RADIL: variants seen among roughly 807,000 people sequenced by gnomAD.
RADIL encodes ras-associating and dilute domain-containing protein.
In RADIL, 99 loss-of-function variants were observed where a neutral mutation model predicts 97.6. The observed-to-expected ratio is 1.01, with a 90% CI of 0.86 to 1.20. The LOEUF (loss-of-function observed/expected upper bound fraction) is 1.20. RADIL is among the 50% of genes most tolerant of loss of function. RADIL has a pLI of 0.00. For synonymous variants in RADIL, 803 were observed against 691.8 expected, an observed-to-expected ratio of 1.16 and a Z score of -2.52; for missense variants, 1,765 against 1,498.9, an observed-to-expected ratio of 1.18 and a Z score of -2.93.
intron 2 of RADIL, among the ~76,000 whole-genome samples, chr7:4,874,169 A>G (rs1784316158): frequency 6.6e-6 from 1 of 152,238 alleles, no homozygotes; most frequent in Non-Finnish European, 1.5e-5. Flanking sequence ...TGTCTCACGC[A>G]GGGAACAGTT....
intron 2 of RADIL, among the ~76,000 whole-genome samples, chr7:4,839,365 G>GT (rs961458641): frequency 2.0e-5 from 3 of 151,752 alleles, no homozygotes; most frequent in East Asian, 1.9e-4. Flanking sequence ...TATAATTTCC[G>GT]TTTTTTTTAA....
intron 9 of RADIL, among the ~76,000 whole-genome samples, chr7:4,811,877 CTTT>C (rs201294653): frequency 6.8e-6 from 1 of 147,020 alleles, no homozygotes; most frequent in Non-Finnish European, 1.5e-5. Flanking sequence ...AATTTAATTT[CTTT>C]TTTTTTTATT....
rs1554261009 is a variant in RADIL at position 4,806,333 on chromosome 7, G to GT, written c.2140-618dup. ...TCCAGCTCATTAGTTTTTTGTTTTT[G>GT]TTTTTTTTTGTAGAGATGGAGTTCT... On this transcript the variant is annotated intron_variant, in intron 9 of 14. Transcript: ENST00000399583. Among the ~76,000 whole-genome samples the GT allele has an allele frequency of 3.5e-3, 529 of 150,978 alleles. 9 individuals are homozygous for GT. Among genetic ancestry groups the GT allele is most frequent in the African/African-American group, 0.011 (469 of 41,158 alleles).
rs754986645 is a variant in RADIL at position 4,834,586 on chromosome 7, C to T, written c.1416+21G>A. 3.8e-6 allele frequency: 5 copies of T among 1,316,094 alleles called. No homozygotes were observed. The South Asian group carries it at 9.1e-5, about 24-fold the overall frequency. The allele number at this position is 1,316,094 out of a possible 1,614,324, so 81.5% of individuals were successfully genotyped here. ...CCCCAGACCGGCACAGGACCCAGAC[C>T]GCCCACCCCAGCACACTGACCCAGA... On this transcript the variant is annotated intron_variant, in intron 4 of 14. Transcript: ENST00000399583. The surrounding 1 kb of genome is among the most constrained non-coding windows in gnomAD (Gnocchi z 6.0).
intron 2 of RADIL, chr7:4,865,394 C>T: frequency 8.1e-6 from 5 of 617,362 alleles, no homozygotes; most frequent in Admixed American, 5.7e-5. Flanking sequence ...AAGTTTTATT[C>T]AAGAACTCAT....
intron 9 of RADIL, among the ~76,000 whole-genome samples, chr7:4,807,485 C>A (rs1403134573): frequency 6.6e-6 from 1 of 150,924 alleles, no homozygotes; most frequent in Non-Finnish European, 1.5e-5. Flanking sequence ...CCTTCTCCCC[C>A]TCCCTCTGTC....
At chr7:4,866,778 A>G (rs1040719984) in intron 2 of RADIL, among the ~76,000 whole-genome samples, 2 of 152,176 alleles carry the variant, frequency 1.3e-5, no homozygotes, top group African/African-American at 4.8e-5. Context: ...ACTAAAACTC[A>G]TGTTGGAATT....
chr7:4,835,085 CCCGCGG>C lies in RADIL; in HGVS notation c.932_937del (p.Ala311_Ala312del). ...GGGGATGGGCTCCAGGACCAGCCTC[CCCGCGG>C]CCTGGCCGCTGTCCGGGAGCGGTTG... On this transcript the variant is annotated inframe_deletion, in exon 4 of 15. Coordinates refer to ENST00000399583, the MANE Select transcript of RADIL (RefSeq NM_018059.5). This position sits in a 1 kb window ranked among gnomAD's most constrained non-coding sequence, Gnocchi z 5.8. 1 of 1,607,716 alleles carries C rather than the reference CCCGCGG, an allele frequency of 6.2e-7. No homozygotes were observed. Among genetic ancestry groups the C allele is most frequent in the African/African-American group, 1.3e-5 (1 of 74,972 alleles).
rs1240533475 is a variant in RADIL, at chr7:4,877,530, CCTT to C, written c.535+72_535+74del. On this transcript the variant is annotated intron_variant, in intron 2 of 14. Coordinates refer to ENST00000399583, the MANE Select transcript of RADIL (RefSeq NM_018059.5). ...CCCCACGCATGTCCCCTGCACCACT[CCTT>C]CTCCGCCTACCTCGGCTGGCCTTCT... 7.3e-6 allele frequency: 11 copies of C among 1,498,106 alleles called. No individual in the cohort carries two copies. In the African/African-American group the frequency reaches 9.8e-5, roughly 13 times the overall value. The allele number at this position is 1,498,106 out of a possible 1,614,324, so 92.8% of individuals were successfully genotyped here.
Position 4,822,620 on chromosome 7 carries a change from C to G in RADIL, c.1455-66G>C. Reference sequence around the variant, plus strand: ...CCCTCAGGAGGCTGAATCTACCACTCTTTCTACATAAGGATGCGCGTTTTC... The same window carrying G: ...CCCTCAGGAGGCTGAATCTACCACTGTTTCTACATAAGGATGCGCGTTTTC... On this transcript the variant is annotated intron_variant, in intron 5 of 14. Coordinates refer to ENST00000399583, the MANE Select transcript of RADIL (RefSeq NM_018059.5). This position sits in a 1 kb window ranked among gnomAD's most constrained non-coding sequence, Gnocchi z 5.3. The G allele has an allele frequency of 6.5e-7, 1 of 1,548,050 alleles. No individual in the cohort carries two copies. The highest frequency in any genetic ancestry group is 1.9e-5 in the Admixed American group (1 of 53,230).
chr7:4,833,592 A>G (rs1285123541), intron 4 of RADIL, among the ~76,000 whole-genome samples: 1 of 152,182 alleles, frequency 6.6e-6, no homozygotes, highest in African/African-American at 2.4e-5. Context: ...TTTACTTTTT[A>G]AAAGTCTCAG....
Position 4,850,565 on chromosome 7 carries a change from C to T in RADIL, c.536-13960G>A, listed in dbSNP as rs79918570. Among the ~76,000 whole-genome samples the T allele has an allele frequency of 6.2e-3, 951 of 152,294 alleles. 4 individuals carry two copies. Among genetic ancestry groups the T allele is most frequent in the Non-Finnish European group, 0.01 (682 of 68,028 alleles). ...AGTCAGAGAGGTTTGAGGTGTGAGA[C>T]GTGTGTGATGCCAGGGCAGCTCTCC... On this transcript the variant is annotated intron_variant, in intron 2 of 14. Coordinates refer to ENST00000399583, the MANE Select transcript of RADIL (RefSeq NM_018059.5).
chr7:4,807,173 T>C (rs1269290769), intron 9 of RADIL, among the ~76,000 whole-genome samples: 2 of 152,212 alleles, frequency 1.3e-5, no homozygotes, highest in South Asian at 2.1e-4. Context: ...TGTGTTTTTC[T>C]GCCCATATCC....
chr7:4,840,943 G>A lies in RADIL; in HGVS notation c.536-4338C>T. 6.6e-6 allele frequency among the ~76,000 whole-genome samples: 1 copy of A among 152,148 alleles called. No homozygotes were observed. The highest frequency in any genetic ancestry group is 1.5e-5 in the Non-Finnish European group (1 of 68,028). On this transcript the variant is annotated intron_variant, in intron 2 of 14. Coordinates refer to ENST00000399583, the MANE Select transcript of RADIL (RefSeq NM_018059.5). This position sits in a 1 kb window ranked among gnomAD's most constrained non-coding sequence, Gnocchi z 5.6. ...GATCGCACCACTGCACTCCAGCCTG[G>A]GTGACAGAGCGAGACTCCGTCTCAA...
chr7:4,809,324 G>C, intron 9 of RADIL: 1 of 985,350 alleles, frequency 1.0e-6, no homozygotes, highest in Non-Finnish European at 1.2e-6. Context: ...AGTTTCCCTA[G>C]CCAGGAGAAG....
chr7:4,816,574 C>G, intron 7 of RADIL, 109 bp from the exon 8 acceptor site: 1 of 855,606 alleles, frequency 1.2e-6, no homozygotes. Context: ...TGCAGGGACC[C>G]GGCCTCGGTA....
At chr7:4,857,350 C>G (rs1293612505) in intron 2 of RADIL, among the ~76,000 whole-genome samples, 3 of 152,254 alleles carry the variant, frequency 2.0e-5, no homozygotes, top group Admixed American at 1.3e-4. Context: ...TTAAGTAAAA[C>G]AGCATACAGT....
Position 4,873,991 on chromosome 7 carries a change from G to A in RADIL, c.535+3614C>T, listed in dbSNP as rs1248496658. On this transcript the variant is annotated intron_variant, in intron 2 of 14. Coordinates refer to ENST00000399583, the MANE Select transcript of RADIL (RefSeq NM_018059.5). The surrounding 1 kb of genome is among the most constrained non-coding windows in gnomAD (Gnocchi z 4.3). ...TCGTTCCCCTTGGAGGGGCGAGGGA[G>A]GAATCGCCTAGTGCCGGCTGCAAAC... Among the ~76,000 whole-genome samples, 1 of 152,262 alleles carries A rather than the reference G, an allele frequency of 6.6e-6. No homozygotes were observed.
rs890056680 is a variant in RADIL at position 4,798,543 on chromosome 7, G to C, written c.*835C>G. The C allele has an allele frequency of 1.3e-5, 2 of 152,656 alleles. No homozygotes were observed. Among genetic ancestry groups the C allele is most frequent in the Non-Finnish European group, 2.9e-5 (2 of 68,054 alleles). 9.5% of individuals were successfully genotyped at this position (152,656 alleles called of 1,614,324 possible). A position where few individuals can be genotyped will look rare whatever the true frequency, so the allele number is the denominator to read the frequency against. On this transcript the variant is annotated 3_prime_UTR_variant, in exon 15 of 15. Coordinates refer to ENST00000399583, the MANE Select transcript of RADIL (RefSeq NM_018059.5). The stretch of plus-strand genomic sequence containing the variant: ...GCCCAGCGACCCACGCTGTCACCCC[G>C]AGGCAGCAAGTGCCCTGCCCTGGTC...
Sources: allele counts gnomAD v4.1 joint callset (sites outside exome capture counted in the v4.1 genomes callset), GRCh38; gene constraint gnomAD v4.1.1; non-coding constraint Gnocchi (gnomAD v3.1); transcripts MANE v1.5; gene names NCBI Gene and HGNC (gene_info 2026-07-23, HGNC 2026-07-21).